LSAMP: variants seen among roughly 807,000 people sequenced by gnomAD.
LSAMP encodes limbic system-associated membrane protein.
A neutral mutation model predicts 38.6 loss-of-function variants in LSAMP; 7 were observed. The observed-to-expected ratio is 0.18, with a 90% CI of 0.10 to 0.34. The LOEUF is 0.34. Among genes scored for constraint, LSAMP ranks in the 10% least tolerant of loss-of-function variants. The pLI is 1.00. For missense variants in LSAMP, 313 were observed against 420.0 expected (o/e 0.75, Z 2.23); for synonymous variants, 154 against 166.8 (o/e 0.92, Z 0.59).
intron 3 of LSAMP, among the ~76,000 whole-genome samples, chr3:115,977,433 C>A (rs1047138918): frequency 9.2e-5 from 14 of 152,170 alleles, no homozygotes; most frequent in Non-Finnish European, 1.0e-4. Flanking sequence ...ATCTACCTTT[C>A]TAAAGCAGAT....
chr3:116,391,257 C>T (rs2048691365), intron 1 of LSAMP, among the ~76,000 whole-genome samples: 1 of 151,730 alleles, frequency 6.6e-6, no homozygotes, highest in Admixed American at 6.6e-5. Context: ...GGAGCAGCTG[C>T]GGGAGCAGCA....
chr3:116,280,938 C>T (rs2047119449), intron 1 of LSAMP, among the ~76,000 whole-genome samples: 1 of 150,432 alleles, frequency 6.6e-6, no homozygotes, highest in Non-Finnish European at 1.5e-5. Context: ...AACTGGAAGA[C>T]ATTGAACACA....
chr3:116,379,170 CTA>C (rs2048527659), intron 1 of LSAMP, among the ~76,000 whole-genome samples: 1 of 151,958 alleles, frequency 6.6e-6, no homozygotes, highest in Admixed American at 6.6e-5. Flanking sequence ...GTATTATTGA[CTA>C]TACATTGTAT....
intron 1 of LSAMP, among the ~76,000 whole-genome samples, chr3:116,203,472 A>G (rs971100823): frequency 1.3e-5 from 2 of 151,952 alleles, no homozygotes; most frequent in Admixed American, 1.3e-4. Flanking sequence ...ATATGTATAC[A>G]TGTGACATGC....
intron 2 of LSAMP, among the ~76,000 whole-genome samples, chr3:116,057,927 G>A (rs1224741002): frequency 1.7e-5 from 2 of 117,152 alleles, no homozygotes; most frequent in Non-Finnish European, 3.8e-5. Context: ...GCACTATATA[G>A]TAGCTACACA....
intron 1 of LSAMP, among the ~76,000 whole-genome samples, chr3:116,343,099 AAAC>A (rs1374133594): frequency 6.6e-6 from 1 of 152,066 alleles, no homozygotes; most frequent in Non-Finnish European, 1.5e-5. Flanking sequence ...AACAAAAACA[AAAC>A]AACAATAACA....
intron 1 of LSAMP, among the ~76,000 whole-genome samples, chr3:116,414,284 C>T (rs2049020413): frequency 6.6e-6 from 1 of 152,080 alleles, no homozygotes; most frequent in Admixed American, 6.5e-5. Context: ...ATACCCCCTA[C>T]TCCTTCAGTA....
At chr3:116,185,244 T>G (rs1710586224) in intron 1 of LSAMP, among the ~76,000 whole-genome samples, 1 of 152,012 alleles carries the variant, frequency 6.6e-6, no homozygotes, top group Admixed American at 6.6e-5. Context: ...AAACACCTAC[T>G]GTAGAATGTA....
At chr3:116,433,399 G>A (rs1198232672) in intron 1 of LSAMP, among the ~76,000 whole-genome samples, 2 of 152,100 alleles carry the variant, frequency 1.3e-5, no homozygotes, top group African/African-American at 2.4e-5. Flanking sequence ...TTTATGGAAA[G>A]CTAGGTTGCA....
At chr3:116,265,935 C>A (rs1410089815) in intron 1 of LSAMP, among the ~76,000 whole-genome samples, 1 of 142,806 alleles carries the variant, frequency 7.0e-6, no homozygotes, top group African/African-American at 2.4e-5. Flanking sequence ...TTGTTTTTAT[C>A]TTTAGTTTAA....
intron 3 of LSAMP, among the ~76,000 whole-genome samples, chr3:116,003,366 A>G (rs1194952410): frequency 6.6e-6 from 1 of 152,216 alleles, no homozygotes; most frequent in Non-Finnish European, 1.5e-5. Context: ...AGATTATTTG[A>G]CAATAAAGGC....
At chr3:116,114,629 C>A (rs1708702516) in intron 1 of LSAMP, among the ~76,000 whole-genome samples, 1 of 152,116 alleles carries the variant, frequency 6.6e-6, no homozygotes, top group Non-Finnish European at 1.5e-5. Flanking sequence ...TTTACACTCA[C>A]ATATTTAAGA....
At chr3:115,910,795 T>G (rs949073793) in intron 3 of LSAMP, among the ~76,000 whole-genome samples, 1 of 152,236 alleles carries the variant, frequency 6.6e-6, no homozygotes, top group Non-Finnish European at 1.5e-5. Flanking sequence ...TTATACAGTA[T>G]GCAACTGTTG....
intron 1 of LSAMP, among the ~76,000 whole-genome samples, chr3:116,270,618 G>A (rs1397942466): frequency 6.6e-6 from 1 of 152,036 alleles, no homozygotes; most frequent in African/African-American, 2.4e-5. Context: ...AAACACCAGG[G>A]CACTACAATT....
chr3:116,046,138 CT>C (rs1559932584), intron 2 of LSAMP, among the ~76,000 whole-genome samples: 1 of 152,214 alleles, frequency 6.6e-6, no homozygotes, highest in Non-Finnish European at 1.5e-5. Flanking sequence ...TATAAGGAAA[CT>C]CAGTCAACAT....
At chr3:115,930,250 G>A (rs1384756192) in intron 3 of LSAMP, among the ~76,000 whole-genome samples, 1 of 151,932 alleles carries the variant, frequency 6.6e-6, no homozygotes, top group Non-Finnish European at 1.5e-5. Flanking sequence ...TTATTTTTGA[G>A]AGTCAGAATG....
chr3:116,030,556 C>A (rs1159288707), intron 2 of LSAMP, among the ~76,000 whole-genome samples: 1 of 152,090 alleles, frequency 6.6e-6, no homozygotes, highest in African/African-American at 2.4e-5. Flanking sequence ...TTTACCTAGG[C>A]AAAATAACTT....
intron 1 of LSAMP, among the ~76,000 whole-genome samples, chr3:116,198,587 G>A (rs952264313): frequency 7.9e-5 from 12 of 151,650 alleles, no homozygotes; most frequent in African/African-American, 2.9e-4. Flanking sequence ...GGCTAACACA[G>A]TGAAACCCCG....
intron 6 of LSAMP, among the ~76,000 whole-genome samples, chr3:115,831,442 C>T (rs996116401): frequency 2.6e-5 from 4 of 152,166 alleles, no homozygotes; most frequent in African/African-American, 9.7e-5. Flanking sequence ...TGTTTCACGT[C>T]TTTTTAATTT....
Sources: gnomAD v4.1 joint callset for allele counts (sites outside exome capture counted in the v4.1 genomes callset) on GRCh38, gnomAD v4.1.1 for gene constraint, MANE v1.5 for transcripts, NCBI Gene and HGNC (gene_info 2026-07-23, HGNC 2026-07-21) for gene names.